Variants in ANKS1B observed in about 807,000 individuals in gnomAD.
ANKS1B encodes ankyrin repeat and sterile alpha motif domain containing 1B, also known as ankyrin repeat and sterile alpha motif domain-containing protein 1B.
A neutral mutation model predicts 148.3 loss-of-function variants in ANKS1B; 36 were observed. That is an observed-to-expected ratio of 0.24 (90% confidence interval 0.19 to 0.32). ANKS1B has a LOEUF of 0.32. ANKS1B is among the 10% of genes least tolerant of loss of function. The pLI, the probability that ANKS1B is intolerant of heterozygous loss-of-function variation, is 1.00. For missense variants in ANKS1B, 1,157 were observed against 1,542.6 expected, an observed-to-expected ratio of 0.75 and a Z score of 4.19; for synonymous variants, 542 against 560.8, an observed-to-expected ratio of 0.97 and a Z score of 0.47.
intron 12 of ANKS1B, among the ~76,000 whole-genome samples, chr12:99,290,687 A>G (rs2079843253): frequency 6.6e-6 from 1 of 152,142 alleles, no homozygotes; most frequent in South Asian, 2.1e-4. Context: ...AATCACTTCA[A>G]TAGATGCTGA....
chr12:99,616,499 C>A (rs1354405850), intron 9 of ANKS1B, among the ~76,000 whole-genome samples: 1 of 152,056 alleles, frequency 6.6e-6, no homozygotes, highest in Non-Finnish European at 1.5e-5. Context: ...CATCTACAAC[C>A]ACCTGATCTT....
intron 17 of ANKS1B, among the ~76,000 whole-genome samples, chr12:98,870,718 C>A (rs2099659029): frequency 6.6e-6 from 1 of 152,256 alleles, no homozygotes; most frequent in Non-Finnish European, 1.5e-5. Flanking sequence ...CTGTCAGCTT[C>A]TGTCCAGCAC....
intron 15 of ANKS1B, among the ~76,000 whole-genome samples, chr12:99,147,576 T>C (rs112628018): frequency 3.0e-4 from 45 of 152,280 alleles, no homozygotes; most frequent in African/African-American, 1.1e-3. Flanking sequence ...GGCTGTAGGA[T>C]AGTTAACATT....
At chr12:99,115,515 G>T (rs746155901) in intron 15 of ANKS1B, among the ~76,000 whole-genome samples, 7 of 152,038 alleles carry the variant, frequency 4.6e-5, no homozygotes, top group Non-Finnish European at 1.0e-4. Flanking sequence ...AATAACTATT[G>T]GGTACTAGGC....
Position 98,829,715 on chromosome 12 carries a change from T to C in ANKS1B, c.2887-362A>G, listed in dbSNP as rs571944108. On this transcript the variant is annotated intron_variant, in intron 18 of 26. Coordinates refer to ENST00000683438, the MANE Select transcript of ANKS1B (RefSeq NM_001352186.2). The surrounding 1 kb of genome is among the most constrained non-coding windows in gnomAD (Gnocchi z 5.2). ...GGCAGAGCGTCCTCACCATGGTAGA[T>C]GCCATGATGAGAAAGCTAAAATGAG... Among the ~76,000 whole-genome samples the C allele has an allele frequency of 1.9e-4, 29 of 152,266 alleles. No homozygotes were observed. Among genetic ancestry groups the C allele is most frequent in the Admixed American group, 4.6e-4 (7 of 15,302 alleles).
Position 99,568,478 on chromosome 12 carries a change from C to A in ANKS1B, c.1273-63837G>T, listed in dbSNP as rs73141664. 5.2e-3 allele frequency among the ~76,000 whole-genome samples: 785 copies of A among 152,290 alleles called. 3 individuals are homozygous for A. The highest frequency in any genetic ancestry group is 8.2e-3 in the Admixed American group (125 of 15,282). On this transcript the variant is annotated intron_variant, in intron 9 of 26. Coordinates refer to ENST00000683438, the MANE Select transcript of ANKS1B (RefSeq NM_001352186.2). ...AAACTTTCAGGCATTAAGATGTGGG[C>A]ATCTTTCAGGGGTCTCATTTTGGTT...
intron 9 of ANKS1B, among the ~76,000 whole-genome samples, chr12:99,629,998 T>A (rs1461845653): frequency 2.0e-5 from 3 of 152,166 alleles, no homozygotes; most frequent in Admixed American, 6.6e-5. Context: ...TTCTATTTTT[T>A]AAAAAATCCT....
At chr12:98,992,698 C>A (rs1013975132) in intron 17 of ANKS1B, among the ~76,000 whole-genome samples, 12 of 152,092 alleles carry the variant, frequency 7.9e-5, no homozygotes, top group African/African-American at 2.9e-4. Flanking sequence ...ACTACTACAC[C>A]CTCCTTAATG....
intron 12 of ANKS1B, among the ~76,000 whole-genome samples, chr12:99,324,990 C>T (rs951785669): frequency 6.6e-6 from 1 of 152,092 alleles, no homozygotes; most frequent in Non-Finnish European, 1.5e-5. Context: ...TTGGTAAATA[C>T]ACCTCATTCC....
At chr12:98,930,170 T>C (rs1206467399) in intron 17 of ANKS1B, among the ~76,000 whole-genome samples, 1 of 151,938 alleles carries the variant, frequency 6.6e-6, no homozygotes, top group Admixed American at 6.6e-5. Context: ...AAATAACCAA[T>C]AAACACATGA....
intron 1 of ANKS1B, among the ~76,000 whole-genome samples, chr12:99,932,639 T>C (rs1174865358): frequency 6.6e-6 from 1 of 152,170 alleles, no homozygotes; most frequent in East Asian, 1.9e-4. Flanking sequence ...TTTTTTCCCA[T>C]AGAGTTGTTT....
chr12:99,745,240 A>G (rs1236893683), intron 8 of ANKS1B, among the ~76,000 whole-genome samples: 1 of 152,192 alleles, frequency 6.6e-6, no homozygotes, highest in African/African-American at 2.4e-5. Context: ...GCACATGCAT[A>G]AAGAACCAAT....
intron 17 of ANKS1B, among the ~76,000 whole-genome samples, chr12:98,846,333 T>G (rs1202501635): frequency 6.6e-6 from 1 of 152,240 alleles, no homozygotes; most frequent in Admixed American, 6.5e-5. Flanking sequence ...AATGAAGGTT[T>G]CATTGTAAAA....
In ANKS1B at chr12:98,937,753, A is replaced by G. The variant is rs969143685; in HGVS notation, c.2779-105617T>C. Among the ~76,000 whole-genome samples, 3 of 152,254 alleles carry G rather than the reference A, an allele frequency of 2.0e-5. No homozygotes were observed. In the East Asian group the frequency reaches 5.8e-4, roughly 29 times the overall value. On this transcript the variant is annotated intron_variant, in intron 17 of 26. Transcript: ENST00000683438. ...TCTCTGTATTACTCTACACTGCTAT[A>G]AAGATACTATCTGAAACTGGGCAAT...
intron 17 of ANKS1B, among the ~76,000 whole-genome samples, chr12:98,922,666 T>C (rs1159829676): frequency 6.6e-6 from 1 of 151,964 alleles, no homozygotes; most frequent in Admixed American, 6.6e-5. Context: ...GCCTGGCTAA[T>C]TTTTCTATTT....
chr12:99,298,571 A>T (rs1844965), intron 12 of ANKS1B, among the ~76,000 whole-genome samples: 8,823 of 152,234 alleles, frequency 0.058, 324 homozygotes, highest in Middle Eastern at 0.12. Context: ...GAACAGACTA[A>T]TACAACCAGG....
intron 1 of ANKS1B, among the ~76,000 whole-genome samples, chr12:99,964,057 A>C (rs1351560643): frequency 6.6e-6 from 1 of 152,168 alleles, no homozygotes; most frequent in Non-Finnish European, 1.5e-5. Context: ...GCTAAACAGC[A>C]AAAAAATATA....
intron 8 of ANKS1B, among the ~76,000 whole-genome samples, chr12:99,658,471 A>G (rs2098460556): frequency 6.6e-6 from 1 of 152,190 alleles, no homozygotes; most frequent in South Asian, 2.1e-4. Context: ...CAGATTTCCC[A>G]CAAGCATGCA....
chr12:99,009,175 C>T (rs2099937855), intron 17 of ANKS1B, among the ~76,000 whole-genome samples: 1 of 152,176 alleles, frequency 6.6e-6, no homozygotes, highest in African/African-American at 2.4e-5. Flanking sequence ...TGGGACAACT[C>T]GTTCAGCAGC....
Sources: gnomAD v4.1 joint callset for allele counts (sites outside exome capture counted in the v4.1 genomes callset) on GRCh38, gnomAD v4.1.1 for gene constraint, Gnocchi (gnomAD v3.1) non-coding constraint, MANE v1.5 for transcripts, NCBI Gene and HGNC (gene_info 2026-07-23, HGNC 2026-07-21) for gene names.